Variants in RAB30 observed in about 807,000 individuals in gnomAD.
The protein encoded by RAB30 is ras-related protein Rab-30.
Under a neutral mutation model 25.1 loss-of-function variants are expected in RAB30, and 9 were observed. The observed-to-expected ratio is 0.36, with a 90% CI of 0.22 to 0.63. RAB30 has a LOEUF of 0.63. Ranked by LOEUF, RAB30 falls within the 20% of genes least tolerant of loss-of-function variation. The pLI, the probability that RAB30 is intolerant of heterozygous loss-of-function variation, is 0.69. For synonymous variants in RAB30, 77 were observed against 86.4 expected, an observed-to-expected ratio of 0.89 and a Z score of 0.60; for missense variants, 140 against 243.5, an observed-to-expected ratio of 0.58 and a Z score of 2.83.
At chr11:83,054,499 C>G (rs1040208910) in intron 1 of RAB30, among the ~76,000 whole-genome samples, 3 of 151,970 alleles carry the variant, frequency 2.0e-5, no homozygotes, top group Non-Finnish European at 2.9e-5. Flanking sequence ...ATTTCACAGA[C>G]AAGAAAGCTG....
chr11:82,987,711 G>A lies in RAB30; in HGVS notation c.237C>T (p.Tyr79=), dbSNP rs1283787566. The stretch of plus-strand genomic sequence containing the variant: ...TGAGGATCAAGGCATTGGCGCTTCG[G>A]TAGTAACTCTGGGTAATGGACCGAA... ...ERFRSITQSY[Y]RSANALILTY... Residue 79 remains tyrosine, a synonymous_variant, in exon 4 of 5, where the codon TAC becomes TAT. Coordinates refer to ENST00000527633, the MANE Select transcript of RAB30 (RefSeq NM_001286060.2). 1 of 1,613,354 alleles carries A rather than the reference G, an allele frequency of 6.2e-7. No homozygotes were observed. Among genetic ancestry groups the A allele is most frequent in the Admixed American group, 1.7e-5 (1 of 59,988 alleles).
rs147352773 is a variant in RAB30, at chr11:82,979,276, T to C, written c.*2889A>G. ...CTGGAAACTGAAAAAAGTTTTGCCA[T>C]ATATTTAATAACTTTATTGAATGAA... On this transcript the variant is annotated 3_prime_UTR_variant, in exon 5 of 5. Coordinates refer to ENST00000527633, the MANE Select transcript of RAB30 (RefSeq NM_001286060.2). 55 of 152,300 alleles carry C rather than the reference T, an allele frequency of 3.6e-4. No individual in the cohort carries two copies. Among genetic ancestry groups the C allele is most frequent in the African/African-American group, 1.2e-3 (48 of 41,570 alleles). 9.4% of individuals were successfully genotyped at this position (152,300 alleles called of 1,614,324 possible).
At chr11:82,989,170 C>T (rs976388424) in intron 3 of RAB30, among the ~76,000 whole-genome samples, 3 of 152,116 alleles carry the variant, frequency 2.0e-5, no homozygotes, top group African/African-American at 7.2e-5. Flanking sequence ...GGAAACTGTC[C>T]CTTAACTAAC....
At chr11:83,016,472 T>C (rs1857440609) in intron 1 of RAB30, among the ~76,000 whole-genome samples, 1 of 152,208 alleles carries the variant, frequency 6.6e-6, no homozygotes, top group South Asian at 2.1e-4. Context: ...AGATAAGAAA[T>C]ACTACAGCAT....
intron 3 of RAB30, among the ~76,000 whole-genome samples, chr11:82,992,151 C>T (rs1856863073): frequency 6.6e-6 from 1 of 152,030 alleles, no homozygotes; most frequent in Non-Finnish European, 1.5e-5. Flanking sequence ...GGGTAACTAC[C>T]TCCCCTCCAC....
intron 1 of RAB30, among the ~76,000 whole-genome samples, chr11:83,028,610 T>C (rs1007631086): frequency 1.3e-5 from 2 of 152,140 alleles, no homozygotes; most frequent in Non-Finnish European, 2.9e-5. Flanking sequence ...CCAACTTCTC[T>C]ACAGCAACAA....
chr11:82,985,247 G>A (rs759419497), intron 4 of RAB30, among the ~76,000 whole-genome samples: 6 of 152,204 alleles, frequency 3.9e-5, no homozygotes, highest in Non-Finnish European at 8.8e-5. Flanking sequence ...TTACAGGCAT[G>A]AGTCACCATG....
At chr11:82,989,915 G>A (rs1856817006) in intron 3 of RAB30, among the ~76,000 whole-genome samples, 1 of 152,182 alleles carries the variant, frequency 6.6e-6, no homozygotes, top group Non-Finnish European at 1.5e-5. Context: ...TAGGCACATG[G>A]AGTATATAAA....
intron 4 of RAB30, chr11:82,987,275 G>A (rs1358174544): frequency 5.2e-6 from 1 of 192,722 alleles, no homozygotes; most frequent in Non-Finnish European, 1.1e-5. Context: ...TTTTCTTCTA[G>A]AACAGCCATT....
intron 1 of RAB30, among the ~76,000 whole-genome samples, chr11:83,048,984 A>G (rs547551875): frequency 6.6e-6 from 1 of 152,354 alleles, no homozygotes; most frequent in East Asian, 1.9e-4. Flanking sequence ...AAAAAGAACC[A>G]CATGGTTAAA....
Position 82,980,687 on chromosome 11 carries a change from G to A in RAB30, c.*1478C>T, listed in dbSNP as rs917326775. 6.6e-6 allele frequency: 1 copy of A among 152,172 alleles called. No individual in the cohort carries two copies. The highest frequency in any genetic ancestry group is 2.4e-5 in the African/African-American group (1 of 41,440). 9.4% of individuals were successfully genotyped at this position (152,172 alleles called of 1,614,324 possible). A position where few individuals can be genotyped will look rare whatever the true frequency, so the allele number is the denominator to read the frequency against. On this transcript the variant is annotated 3_prime_UTR_variant, in exon 5 of 5. Transcript: ENST00000527633. ...AGTGAACAAATTGGAAGCTATCAAA[G>A]TATGGCACTGAAGAAAAAGAAACAC...
rs372441912 is a variant in RAB30 at position 82,975,391 on chromosome 11, C to G, written c.*6774G>C. On this transcript the variant is annotated 3_prime_UTR_variant, in exon 5 of 5. Transcript: ENST00000527633. ...CAAAAACTGTGCATTATTCAACCAGCTAGTGACAAATTATCTTAACAAAGT... is the reference window on the plus strand; with the variant it reads ...CAAAAACTGTGCATTATTCAACCAGGTAGTGACAAATTATCTTAACAAAGT... 1.3e-5 allele frequency: 2 copies of G among 152,164 alleles called. No individual in the cohort carries two copies. Among genetic ancestry groups the G allele is most frequent in the African/African-American group, 4.8e-5 (2 of 41,446 alleles). 9.4% of individuals were successfully genotyped at this position (152,164 alleles called of 1,614,324 possible). A position where few individuals can be genotyped will look rare whatever the true frequency, so the allele number is the denominator to read the frequency against.
intron 1 of RAB30, among the ~76,000 whole-genome samples, chr11:83,062,816 C>T (rs2121521171): frequency 6.6e-6 from 1 of 152,026 alleles, no homozygotes; most frequent in South Asian, 2.1e-4. Context: ...GCCTGGCCAA[C>T]AAGGCGGAAC....
chr11:82,986,950 A>G (rs918693587), intron 4 of RAB30: 1 of 152,236 alleles, frequency 6.6e-6, no homozygotes, highest in African/African-American at 2.4e-5. Context: ...AAATATGTTA[A>G]TGATCAAATG....
At chr11:83,046,498 T>C (rs538932440) in intron 1 of RAB30, among the ~76,000 whole-genome samples, 4 of 145,136 alleles carry the variant, frequency 2.8e-5, no homozygotes, top group African/African-American at 7.5e-5. Flanking sequence ...TAATTTTTAC[T>C]TTTTTTTTTT....
intron 1 of RAB30, chr11:83,034,619 C>T (rs1186543898): frequency 6.6e-6 from 1 of 152,128 alleles, no homozygotes; most frequent in Admixed American, 6.6e-5. Context: ...AAGCTCTCTG[C>T]CCACAGCTGC....
intron 1 of RAB30, among the ~76,000 whole-genome samples, chr11:82,998,821 G>A (rs895583549): frequency 6.6e-6 from 1 of 152,116 alleles, no homozygotes; most frequent in Non-Finnish European, 1.5e-5. Flanking sequence ...AGAGGAAATG[G>A]GCAGTTAGGG....
Position 82,982,272 on chromosome 11 carries a change from G to A in RAB30, c.505C>T (p.Arg169Ter), listed in dbSNP as rs918662721. The A allele has an allele frequency of 6.2e-7, 1 of 1,614,190 alleles. No homozygotes were observed. Among genetic ancestry groups the A allele is most frequent in the Non-Finnish European group, 8.5e-7 (1 of 1,180,026 alleles). Residue 169 changes from arginine to a stop codon, truncating the protein, a stop_gained, in exon 5 of 5, where the codon CGA becomes TGA. Transcript: ENST00000527633. LOFTEE classifies it high-confidence loss of function. Reference sequence around the variant, plus strand: ...TTCTGTCTGGCTTCACTGATGAGTCGGCATGCTAAGTCAAGGAAGAGTTTC... The same window carrying A: ...TTCTGTCTGGCTTCACTGATGAGTCAGCATGCTAAGTCAAGGAAGAGTTTC... ...VEKLFLDLAC[R>*]LISEARQNTL... is the part of the protein sequence containing the mutation.
chr11:83,058,297 C>T (rs1386788746), intron 1 of RAB30, among the ~76,000 whole-genome samples: 2 of 152,092 alleles, frequency 1.3e-5, no homozygotes, highest in East Asian at 3.9e-4. Flanking sequence ...AATCTCAACC[C>T]TTATTCAAAC....
Sources: allele counts gnomAD v4.1 joint callset (sites outside exome capture counted in the v4.1 genomes callset), GRCh38; gene constraint gnomAD v4.1.1; transcripts MANE v1.5; gene names NCBI Gene and HGNC (gene_info 2026-07-23, HGNC 2026-07-21).